Variants in MRPL1 observed in about 807,000 individuals in gnomAD.
The protein encoded by MRPL1 is mitochondrial ribosomal protein L1.
MRPL1 carries 28 observed loss-of-function variants against 38.0 expected under a neutral mutation model. That is an observed-to-expected ratio of 0.74 (90% confidence interval 0.55 to 1.01). MRPL1 has a LOEUF of 1.01. MRPL1 is among the 50% of genes least tolerant of loss of function. The pLI is 0.00. For synonymous variants in MRPL1, 123 were observed against 126.7 expected, an observed-to-expected ratio of 0.97 and a Z score of 0.20; for missense variants, 358 against 389.8, an observed-to-expected ratio of 0.92 and a Z score of 0.69.
At chr4:77,874,704 ATTATAT>A (rs2110230767) in intron 2 of MRPL1, among the ~76,000 whole-genome samples, 1 of 151,774 alleles carries the variant, frequency 6.6e-6, no homozygotes, top group East Asian at 1.9e-4. Flanking sequence ...AAATAGCATT[ATTATAT>A]TTATATTTCT....
At chr4:77,875,495 C>T (rs1048886639) in intron 2 of MRPL1, among the ~76,000 whole-genome samples, 6 of 151,794 alleles carry the variant, frequency 4.0e-5, no homozygotes, top group African/African-American at 1.4e-4. Flanking sequence ...ACTAAAAATA[C>T]CAAAAAATTA....
chr4:77,885,431 A>C, intron 4 of MRPL1, 92 bp downstream of exon 4: 1 of 877,652 alleles, frequency 1.1e-6, no homozygotes, highest in East Asian at 2.7e-5. Context: ...CAGTGGGGCA[A>C]CCTCGGCTCA....
At chr4:77,949,684 A>C (rs1319663261) in intron 7 of MRPL1, 113 bp from the exon 8 acceptor site, 2 of 620,870 alleles carry the variant, frequency 3.2e-6, no homozygotes, top group African/African-American at 3.8e-5. Context: ...CTTTCACAGT[A>C]GGGTCATTTA....
At chr4:77,900,882 A>G (rs1030741248) in intron 6 of MRPL1, among the ~76,000 whole-genome samples, 2 of 152,210 alleles carry the variant, frequency 1.3e-5, no homozygotes, top group African/African-American at 4.8e-5. Context: ...ACAGTAATCC[A>G]GGTAAAAGAT....
intron 7 of MRPL1, among the ~76,000 whole-genome samples, chr4:77,922,913 C>CA (rs1393178693): frequency 6.6e-6 from 1 of 152,104 alleles, no homozygotes; most frequent in East Asian, 1.9e-4. Flanking sequence ...AAGTCTGAAT[C>CA]AGAGAAAAGG....
In MRPL1 at chr4:77,865,692, A is replaced by C. The variant is rs140367294; in HGVS notation, c.31+2813A>C. Among the ~76,000 whole-genome samples, 15 of 152,220 alleles carry C rather than the reference A, an allele frequency of 9.9e-5. No individual in the cohort carries two copies. The East Asian group carries it at 1.7e-3, about 18-fold the overall frequency. On this transcript the variant is annotated intron_variant, in intron 1 of 8. Coordinates refer to ENST00000315567, the MANE Select transcript of MRPL1 (RefSeq NM_020236.4). Reference sequence around the variant, plus strand: ...GACTCCTCTCTGTATCTCACACTTTACATTAAATAGTTTGCAAATCCTGTT... The same window carrying C: ...GACTCCTCTCTGTATCTCACACTTTCCATTAAATAGTTTGCAAATCCTGTT...
At chr4:77,885,591 T>C (rs1294702615) in intron 4 of MRPL1, among the ~76,000 whole-genome samples, 1 of 152,164 alleles carries the variant, frequency 6.6e-6, no homozygotes, top group Non-Finnish European at 1.5e-5. Flanking sequence ...AGTCTTGATC[T>C]CTTGACCTTG....
intron 1 of MRPL1, among the ~76,000 whole-genome samples, chr4:77,865,744 C>T (rs555784422): frequency 3.3e-5 from 5 of 152,168 alleles, no homozygotes; most frequent in Non-Finnish European, 5.9e-5. Flanking sequence ...TAAATCCAGA[C>T]TCTGACTTCT....
At chr4:77,916,673 C>A (rs917841931) in intron 7 of MRPL1, among the ~76,000 whole-genome samples, 4 of 152,118 alleles carry the variant, frequency 2.6e-5, no homozygotes, top group African/African-American at 9.7e-5. Flanking sequence ...CTGCCACATT[C>A]TTTTTAAGGC....
At chr4:77,952,057 AGTTT>A (rs1030453943) in intron 8 of MRPL1, among the ~76,000 whole-genome samples, 1 of 152,204 alleles carries the variant, frequency 6.6e-6, no homozygotes, top group Non-Finnish European at 1.5e-5. Context: ...CATATTTGTT[AGTTT>A]GTTTTTGAAC....
chr4:77,935,691 C>T (rs1178793810), intron 7 of MRPL1, among the ~76,000 whole-genome samples: 9 of 152,088 alleles, frequency 5.9e-5, no homozygotes, highest in African/African-American at 2.2e-4. Context: ...CCACTGTGCC[C>T]GGCTGAGAAT....
intron 7 of MRPL1, among the ~76,000 whole-genome samples, chr4:77,918,191 A>C (rs550249964): frequency 1.3e-5 from 2 of 152,306 alleles, no homozygotes; most frequent in African/African-American, 4.8e-5. Flanking sequence ...AATATATACC[A>C]GGTAGATAAA....
chr4:77,891,430 A>C (rs1735805741), intron 5 of MRPL1, among the ~76,000 whole-genome samples: 1 of 149,418 alleles, frequency 6.7e-6, no homozygotes, highest in African/African-American at 2.5e-5. Context: ...ATCTCGGCTC[A>C]CTGCAACCTC....
At chr4:77,895,421 C>T (rs886750099) in intron 6 of MRPL1, among the ~76,000 whole-genome samples, 1 of 151,902 alleles carries the variant, frequency 6.6e-6, no homozygotes, top group African/African-American at 2.4e-5. Context: ...AGAGAACTCT[C>T]CTAATAAGTG....
chr4:77,932,938 TA>T (rs1490553278), intron 7 of MRPL1, among the ~76,000 whole-genome samples: 1 of 148,944 alleles, frequency 6.7e-6, no homozygotes, highest in Admixed American at 6.7e-5. Context: ...TTTCCTTTTT[TA>T]AAAAAAAAGA....
chr4:77,909,429 T>G, intron 7 of MRPL1, 57 bp downstream of exon 7: 2 of 1,099,298 alleles, frequency 1.8e-6, no homozygotes, highest in South Asian at 2.8e-5. Flanking sequence ...CAAGTATTCT[T>G]CAGTAATTTA....
intron 7 of MRPL1, among the ~76,000 whole-genome samples, chr4:77,912,796 T>G (rs1042049265): frequency 5.3e-5 from 8 of 152,108 alleles, no homozygotes; most frequent in African/African-American, 1.9e-4. Flanking sequence ...ATTTCAAGAT[T>G]TATAAAGCTG....
intron 7 of MRPL1, among the ~76,000 whole-genome samples, chr4:77,922,761 T>C (rs35648590): frequency 0.77 from 116,499 of 152,150 alleles, 45,613 homozygotes; most frequent in African/African-American, 0.94. Flanking sequence ...ATGAAGTTGC[T>C]TCTAATTGAT....
intron 1 of MRPL1, among the ~76,000 whole-genome samples, chr4:77,870,982 T>A (rs1434231310): frequency 6.6e-6 from 1 of 152,214 alleles, no homozygotes; most frequent in Non-Finnish European, 1.5e-5. Flanking sequence ...TAATGTCTTA[T>A]TTATTGTAAA....
Sources: allele counts gnomAD v4.1 joint callset (sites outside exome capture counted in the v4.1 genomes callset), GRCh38; gene constraint gnomAD v4.1.1; transcripts MANE v1.5; gene names NCBI Gene and HGNC (gene_info 2026-07-23, HGNC 2026-07-21).